Variants in FER observed in about 807,000 individuals in gnomAD.
FER encodes the protein tyrosine-protein kinase Fer.
In FER, 63 loss-of-function variants were observed where a neutral mutation model predicts 111.0. That is an observed-to-expected ratio of 0.57 (90% CI 0.46 to 0.70). The LOEUF is 0.70. FER is among the 30% of genes least tolerant of loss of function. The probability of loss-of-function intolerance (pLI) is 0.00; values close to 1 mark genes in which losing one functional copy is unlikely to be tolerated. For synonymous variants in FER, 327 were observed against 313.9 expected (o/e 1.04, Z -0.44); for missense variants, 914 against 954.0 (o/e 0.96, Z 0.55).
At chr5:108,961,183 A>AT (rs1394781330) in intron 13 of FER, among the ~76,000 whole-genome samples, 4 of 152,192 alleles carry the variant, frequency 2.6e-5, no homozygotes, top group Admixed American at 6.6e-5. Context: ...GCAGGAAGAT[A>AT]TTTTTTATCC....
At chr5:108,790,216 A>G (rs1329736537) in intron 2 of FER, among the ~76,000 whole-genome samples, 1 of 145,000 alleles carries the variant, frequency 6.9e-6, no homozygotes, top group Non-Finnish European at 1.5e-5. Context: ...AACTGTATGT[A>G]TACATATATG....
intron 17 of FER, among the ~76,000 whole-genome samples, chr5:109,113,320 G>A (rs1749849174): frequency 6.6e-6 from 1 of 152,106 alleles, no homozygotes; most frequent in Non-Finnish European, 1.5e-5. Context: ...ATTAAGCAGC[G>A]GGAAAAGATA....
rs138865319 is a variant in FER, at chr5:108,996,214, G to A, written c.1656+36867G>A. ...AATTTTCTCCCATTCTGTAGGTTGC[G>A]TGTTCACTCTGATGATAGTTTCTTT... On this transcript the variant is annotated intron_variant, in intron 13 of 19. Transcript: ENST00000281092. Among the ~76,000 whole-genome samples, 37 of 152,142 alleles carry A rather than the reference G, an allele frequency of 2.4e-4. No homozygotes were observed. The East Asian group carries it at 2.7e-3, about 11-fold the overall frequency.
chr5:109,179,743 G>T (rs553629935), intron 17 of FER, among the ~76,000 whole-genome samples: 3 of 152,212 alleles, frequency 2.0e-5, no homozygotes, highest in African/African-American at 7.2e-5. Context: ...ATCTAGAGAT[G>T]ATTTAAAGTA....
chr5:109,165,148 T>G (rs1756398503), intron 17 of FER, among the ~76,000 whole-genome samples: 1 of 152,160 alleles, frequency 6.6e-6, no homozygotes, highest in Non-Finnish European at 1.5e-5. Context: ...GCCTGGCAAA[T>G]AGTAAGTGCT....
chr5:108,816,749 C>A (rs935885711), intron 3 of FER, among the ~76,000 whole-genome samples: 1 of 152,060 alleles, frequency 6.6e-6, no homozygotes, highest in African/African-American at 2.4e-5. Context: ...AGACCCCATC[C>A]AAAGCCTGTT....
chr5:109,175,599 G>A (rs116479113), intron 17 of FER, among the ~76,000 whole-genome samples: 2 of 152,192 alleles, frequency 1.3e-5, no homozygotes, highest in African/African-American at 2.4e-5. Context: ...TAGACAAATG[G>A]GACTATATTA....
At chr5:109,172,642 TA>T (rs1206912154) in intron 17 of FER, among the ~76,000 whole-genome samples, 2 of 151,674 alleles carry the variant, frequency 1.3e-5, no homozygotes, top group Admixed American at 6.6e-5. Context: ...AATAATAAAA[TA>T]AAAAGAAAAA....
At chr5:108,957,578 T>C (rs1449001555) in intron 12 of FER, among the ~76,000 whole-genome samples, 1 of 151,694 alleles carries the variant, frequency 6.6e-6, no homozygotes, top group Non-Finnish European at 1.5e-5. Context: ...AACTGCCATA[T>C]GATCTAGCAA....
intron 16 of FER, among the ~76,000 whole-genome samples, chr5:109,059,604 C>G (rs80117322): frequency 6.6e-6 from 1 of 152,126 alleles, no homozygotes; most frequent in Non-Finnish European, 1.5e-5. Context: ...CTCTCTCCCT[C>G]TTATTTCAAC....
At chr5:109,042,904 A>G (rs1771383379) in intron 14 of FER, among the ~76,000 whole-genome samples, 1 of 152,150 alleles carries the variant, frequency 6.6e-6, no homozygotes. Context: ...CAAGAAAGTG[A>G]TAGTAATTGA....
Position 108,954,812 on chromosome 5 carries a change from A to G in FER, c.1413A>G (p.Gln471=), listed in dbSNP as rs754525754. ...YHGAIPRIEA[Q]ELLKKQGDFL... ...GTGCAATTCCCAGAATAGAAGCTCA[A>G]GAACTGTTAAAAAAACAAGGAGACT... Residue 471 remains glutamine, a synonymous_variant, in exon 12 of 20, where the codon CAA becomes CAG. Coordinates refer to ENST00000281092, the MANE Select transcript of FER (RefSeq NM_005246.4). The G allele has an allele frequency of 6.2e-7, 1 of 1,612,658 alleles. No homozygotes were observed. Among genetic ancestry groups the G allele is most frequent in the Admixed American group, 1.7e-5 (1 of 59,924 alleles).
chr5:108,857,952 T>C (rs911985098), intron 5 of FER, among the ~76,000 whole-genome samples: 1 of 152,200 alleles, frequency 6.6e-6, no homozygotes, highest in Non-Finnish European at 1.5e-5. Context: ...GTTCCATTTC[T>C]CTATGAAACC....
intron 2 of FER, chr5:108,784,023 C>G (rs775010697): frequency 2.6e-5 from 4 of 152,720 alleles, no homozygotes; most frequent in Non-Finnish European, 5.9e-5. Flanking sequence ...TGACTGGTTC[C>G]TGACTAGGCC....
chr5:108,964,497 C>G (rs1281209918), intron 13 of FER, among the ~76,000 whole-genome samples: 1 of 152,116 alleles, frequency 6.6e-6, no homozygotes, highest in Non-Finnish European at 1.5e-5. Flanking sequence ...GTCTATTCTC[C>G]TTGTGTACCT....
chr5:108,845,094 A>G (rs1212715992), intron 5 of FER, among the ~76,000 whole-genome samples: 1 of 129,386 alleles, frequency 7.7e-6, no homozygotes, highest in African/African-American at 2.8e-5. Context: ...ACACACACAC[A>G]CAATTGATTT....
At chr5:109,069,834 C>A (rs886867294) in intron 16 of FER, among the ~76,000 whole-genome samples, 8 of 151,980 alleles carry the variant, frequency 5.3e-5, no homozygotes, top group Non-Finnish European at 1.2e-4. Flanking sequence ...GAAATAAAAA[C>A]CTTAAATGTA....
In FER at chr5:109,193,546, ACTGTT is replaced by A. The variant is rs1182281605; in HGVS notation, c.*5974_*5978del. 9 of 152,052 alleles carry A rather than the reference ACTGTT, an allele frequency of 5.9e-5. 1 individual carries two copies. The highest frequency in any genetic ancestry group is 2.6e-4 in the Admixed American group (4 of 15,254). 9.4% of individuals were successfully genotyped at this position (152,052 alleles called of 1,614,324 possible). On this transcript the variant is annotated 3_prime_UTR_variant, in exon 20 of 20. Coordinates refer to ENST00000281092, the MANE Select transcript of FER (RefSeq NM_005246.4). The stretch of plus-strand genomic sequence containing the variant: ...ATGCAAGTGTTCTACAAAATAATGA[ACTGTT>A]CTAAGTGACAGTGTTGATGCTGGAA...
At chr5:108,926,777 C>T (rs11959681) in intron 10 of FER, among the ~76,000 whole-genome samples, 21,376 of 152,190 alleles carry the variant, frequency 0.14, 1,555 homozygotes, top group Middle Eastern at 0.18. Context: ...CCTTTGTATT[C>T]TCATGGAGTC....
Sources: allele counts gnomAD v4.1 joint callset (sites outside exome capture counted in the v4.1 genomes callset), GRCh38; gene constraint gnomAD v4.1.1; transcripts MANE v1.5; gene names NCBI Gene and HGNC (gene_info 2026-07-23, HGNC 2026-07-21).